Variants in SLC44A5 observed in about 807,000 individuals in gnomAD.
The protein encoded by SLC44A5 is solute carrier family 44 member 5.
In SLC44A5, 57 loss-of-function variants were observed where a neutral mutation model predicts 101.8. The ratio of observed to expected loss-of-function variants is 0.56; its 90% CI spans 0.45 to 0.70. SLC44A5 has a LOEUF of 0.70. Among genes scored for constraint, SLC44A5 ranks in the 30% least tolerant of loss-of-function variants. The pLI is 0.00. For synonymous variants in SLC44A5, 281 were observed against 290.9 expected (o/e 0.97, Z 0.35); for missense variants, 737 against 853.1 (o/e 0.86, Z 1.70).
chr1:75,632,213 T>TTTC, the SLC44A5 span, among the ~76,000 whole-genome samples: 5 of 152,206 alleles, frequency 3.3e-5, no homozygotes, highest in African/African-American at 4.8e-5. Flanking sequence ...CATGTAAATT[T>TTTC]TTCTTTACCT....
At chr1:75,400,609 G>A (rs1051444008) in intron 2 of SLC44A5, among the ~76,000 whole-genome samples, 1 of 152,156 alleles carries the variant, frequency 6.6e-6, no homozygotes, top group African/African-American at 2.4e-5. Flanking sequence ...GTCACTGTCA[G>A]CAGCTTTCCC....
chr1:75,367,232 T>A (rs1659920344), intron 3 of SLC44A5, among the ~76,000 whole-genome samples: 1 of 152,186 alleles, frequency 6.6e-6, no homozygotes, highest in Admixed American at 6.5e-5. Flanking sequence ...GCCTCTGGAA[T>A]TTCAGTTCAG....
chr1:75,256,762 G>A (rs1650054695), intron 6 of SLC44A5, among the ~76,000 whole-genome samples: 1 of 152,122 alleles, frequency 6.6e-6, no homozygotes, highest in South Asian at 2.1e-4. Flanking sequence ...ATAAAGATGA[G>A]CTGAGACACT....
At chr1:75,663,076 G>C in the SLC44A5 span, among the ~76,000 whole-genome samples, 1 of 152,054 alleles carries the variant, frequency 6.6e-6, no homozygotes, top group Non-Finnish European at 1.5e-5. Context: ...AAGAGCTCAA[G>C]CTTTAGAAGC....
chr1:75,610,439 T>C (rs1459331992), intron 1 of SLC44A5, among the ~76,000 whole-genome samples: 3 of 152,134 alleles, frequency 2.0e-5, no homozygotes, highest in Non-Finnish European at 4.4e-5. Context: ...ATAATATCTG[T>C]ATGAACCTCT....
chr1:75,304,751 C>A (rs1332955043), intron 4 of SLC44A5, among the ~76,000 whole-genome samples: 1 of 152,126 alleles, frequency 6.6e-6, no homozygotes, highest in Non-Finnish European at 1.5e-5. Flanking sequence ...CATAACTGGA[C>A]TTTTTCCTTA....
intron 1 of SLC44A5, among the ~76,000 whole-genome samples, chr1:75,564,874 G>A (rs564798684): frequency 6.6e-5 from 10 of 152,116 alleles, no homozygotes; most frequent in South Asian, 4.2e-4. Flanking sequence ...CACCCACCTC[G>A]GCCTCCCAAA....
chr1:75,394,781 C>T (rs1662021727), intron 3 of SLC44A5, among the ~76,000 whole-genome samples: 1 of 152,000 alleles, frequency 6.6e-6, no homozygotes, highest in Admixed American at 6.6e-5. Context: ...AGTGAATGAA[C>T]CAAAAAGAAA....
chr1:75,252,985 C>T (rs1329069912), intron 6 of SLC44A5, among the ~76,000 whole-genome samples: 1 of 152,146 alleles, frequency 6.6e-6, no homozygotes, highest in Admixed American at 6.5e-5. Context: ...AAAATGTCCA[C>T]CTGCACCCCA....
At chr1:75,453,692 C>T (rs1666027506) in intron 2 of SLC44A5, among the ~76,000 whole-genome samples, 1 of 151,964 alleles carries the variant, frequency 6.6e-6, no homozygotes, top group African/African-American at 2.4e-5. Flanking sequence ...TACAAACGAG[C>T]TCAATCACCA....
At chr1:75,625,820 C>T in the SLC44A5 span, among the ~76,000 whole-genome samples, 1 of 152,128 alleles carries the variant, frequency 6.6e-6, no homozygotes, top group African/African-American at 2.4e-5. Flanking sequence ...TGTAAGAAAC[C>T]ATAAGCTTCT....
At chr1:75,375,838 G>A (rs542113642) in intron 3 of SLC44A5, among the ~76,000 whole-genome samples, 15 of 152,356 alleles carry the variant, frequency 9.8e-5, no homozygotes, top group African/African-American at 2.6e-4. Flanking sequence ...GAGGAGCCAA[G>A]ATGGCCGAAT....
chr1:75,265,120 CCAAA>C (rs1650882337), intron 6 of SLC44A5, among the ~76,000 whole-genome samples: 1 of 152,072 alleles, frequency 6.6e-6, no homozygotes, highest in African/African-American at 2.4e-5. Flanking sequence ...TACAAAGTTT[CCAAA>C]CAAAGAAAAG....
intron 1 of SLC44A5, among the ~76,000 whole-genome samples, chr1:75,577,790 A>C (rs530723636): frequency 6.6e-6 from 1 of 152,280 alleles, no homozygotes; most frequent in East Asian, 1.9e-4. Flanking sequence ...TTGTGTACCT[A>C]TTCTGGGACA....
intron 2 of SLC44A5, among the ~76,000 whole-genome samples, chr1:75,469,905 A>G (rs898148648): frequency 2.4e-5 from 2 of 82,342 alleles, no homozygotes; most frequent in Admixed American, 9.3e-5. Context: ...GTGAAGAAAA[A>G]AAAAAAAAAA....
At chr1:75,552,705 C>T (rs907199175) in intron 1 of SLC44A5, among the ~76,000 whole-genome samples, 1 of 148,208 alleles carries the variant, frequency 6.7e-6, no homozygotes, top group Non-Finnish European at 1.5e-5. Flanking sequence ...ACTAATTTAA[C>T]AAATCTATCC....
chr1:75,668,315 C>A, the SLC44A5 span, among the ~76,000 whole-genome samples: 1 of 65,088 alleles, frequency 1.5e-5, no homozygotes, highest in Non-Finnish European at 2.8e-5. Flanking sequence ...TCCTAGGAGC[C>A]TTTTTTTTTT....
chr1:75,588,394 C>G (rs1674144308), intron 1 of SLC44A5, among the ~76,000 whole-genome samples: 2 of 151,956 alleles, frequency 1.3e-5, no homozygotes, highest in South Asian at 4.2e-4. Flanking sequence ...TCATTTAATC[C>G]TCACCATAGT....
the SLC44A5 span, among the ~76,000 whole-genome samples, chr1:75,678,983 G>C: frequency 1.3e-5 from 2 of 152,154 alleles, no homozygotes; most frequent in Non-Finnish European, 2.9e-5. Flanking sequence ...CTCAGGAGCC[G>C]ATGCTATCAA....
Sources: gnomAD v4.1 joint callset for allele counts (sites outside exome capture counted in the v4.1 genomes callset) on GRCh38, gnomAD v4.1.1 for gene constraint, MANE v1.5 for transcripts, NCBI Gene and HGNC (gene_info 2026-07-23, HGNC 2026-07-21) for gene names.